The following ZNF726 variants were observed in gnomAD, a reference collection of about 807,000 sequenced individuals.
The protein encoded by ZNF726 is zinc finger protein 726.
In ZNF726, 15 loss-of-function variants were observed where a neutral mutation model predicts 11.6. That is an observed-to-expected ratio of 1.29 (90% CI 0.86 to 1.99). The LOEUF (loss-of-function observed/expected upper bound fraction) is 1.99, where lower values mean the gene tolerates loss of function less well. Ranked by LOEUF, ZNF726 falls within the 30% of genes most tolerant of loss-of-function variation. The pLI, the probability that ZNF726 is intolerant of heterozygous loss-of-function variation, is 0.00. For synonymous variants in ZNF726, 295 were observed against 243.6 expected (o/e 1.21, Z -1.96); for missense variants, 890 against 725.6 (o/e 1.23, Z -2.60).
chr19:23,943,131 C>G (rs1030842562), intron 3 of ZNF726, among the ~76,000 whole-genome samples: 1 of 152,176 alleles, frequency 6.6e-6, no homozygotes, highest in Non-Finnish European at 1.5e-5. Context: ...AGCGATTCTC[C>G]TGCCTCAGCC....
chr19:23,934,645 C>T (rs1056612681), downstream of ZNF726, among the ~76,000 whole-genome samples: 8 of 152,158 alleles, frequency 5.3e-5, no homozygotes, highest in African/African-American at 1.9e-4. Context: ...GCCTCCGGAC[C>T]CCCAAGGGCT....
Position 23,932,775 on chromosome 19 carries a change from A to C in ZNF726, c.659A>C (p.Lys220Thr). The C allele has an allele frequency of 6.2e-7, 1 of 1,612,532 alleles. No homozygotes were observed. Among genetic ancestry groups the C allele is most frequent in the Admixed American group, 1.7e-5 (1 of 59,688 alleles). Reference sequence around the variant, plus strand: ...TGGTCCTCAACCCTTACTAATCATAAGAAAACTCATACTGAAGAAAAGCCC... The same window carrying C: ...TGGTCCTCAACCCTTACTAATCATACGAAAACTCATACTGAAGAAAAGCCC... ...FNWSSTLTNH[K>T]KTHTEEKPYK... Residue 220 changes from lysine (K) to threonine (T), a missense_variant, in exon 4 of 4, where the codon AAG becomes ACG. Lys to Thr is a moderately conservative substitution (Grantham distance 78, BLOSUM62 -1). Transcript: ENST00000594466.
rs781545317 is a variant in ZNF726 at position 23,919,496 on chromosome 19, C to T, written c.127C>T (p.Leu43=). 3 of 1,595,196 alleles carry T rather than the reference C, an allele frequency of 1.9e-6. No individual in the cohort carries two copies. The highest frequency in any genetic ancestry group is 2.3e-5 in the East Asian group (1 of 44,394). ...MLENYRNLAF[L]GIAVSKPDLI... is the part of the protein sequence containing the mutation. ...AGAGAACTACAGAAACCTGGCCTTC[C>T]TGGGTGAGGATAACTTTAATACAAA... Residue 43 remains leucine (L), a synonymous_variant, in exon 2 of 4, where the codon CTG becomes TTG. Coordinates refer to ENST00000594466, the MANE Select transcript of ZNF726 (RefSeq NM_001244038.2).
In ZNF726 at chr19:23,933,569, G is replaced by A. The variant is rs1968167869; in HGVS notation, c.1453G>A (p.Glu485Lys). The A allele has an allele frequency of 6.2e-7, 1 of 1,612,172 alleles. No homozygotes were observed. The highest frequency in any genetic ancestry group is 1.3e-5 in the African/African-American group (1 of 74,988). Residue 485 changes from glutamate (E) to lysine (K), a missense_variant, in exon 4 of 4, where the codon GAA (glutamate) becomes AAA (lysine). Coordinates refer to ENST00000594466, the MANE Select transcript of ZNF726 (RefSeq NM_001244038.2). ...TGGAGAGAAACCCTACAAATGTGAA[G>A]AATGTGGCAAAGCTTTTAGCCAGTC... ...HTGEKPYKCEECGKAFSQSST... is the reference protein window; with the variant it reads ...HTGEKPYKCEKCGKAFSQSST...
downstream of ZNF726, among the ~76,000 whole-genome samples, chr19:23,937,251 C>T (rs1380150690): frequency 6.6e-6 from 1 of 151,440 alleles, no homozygotes; most frequent in East Asian, 2.0e-4. Context: ...CCCCACCTCC[C>T]TCCCAGCCGG....
Position 23,919,466 on chromosome 19 carries a change from A to G in ZNF726, c.97A>G (p.Met33Val). The G allele has an allele frequency of 6.2e-7, 1 of 1,606,254 alleles. No individual in the cohort carries two copies. The highest frequency in any genetic ancestry group is 1.3e-5 in the African/African-American group (1 of 74,848). Residue 33 changes from methionine (M) to valine (V), a missense_variant, in exon 2 of 4, where the codon ATG becomes GTG. Coordinates refer to ENST00000594466, the MANE Select transcript of ZNF726 (RefSeq NM_001244038.2). ...TAQKNLYRNV[M>V]LENYRNLAFL... Reference sequence around the variant, plus strand: ...ACAGAAGAATTTATATAGGAATGTGATGTTAGAGAACTACAGAAACCTGGC... The same window carrying G: ...ACAGAAGAATTTATATAGGAATGTGGTGTTAGAGAACTACAGAAACCTGGC...
At chr19:23,935,725 A>T, downstream of ZNF726, 1 of 239,608 alleles carries the variant, frequency 4.2e-6, no homozygotes, top group Non-Finnish European at 8.3e-6. Context: ...AATGTGGCCA[A>T]GCTTCTAACC....
At chr19:23,921,162 G>C (rs891670406) in intron 3 of ZNF726, 3 of 152,170 alleles carry the variant, frequency 2.0e-5, no homozygotes, top group Admixed American at 6.5e-5. Context: ...TGGGCTCAGT[G>C]GTGGGCACCT....
chr19:23,942,307 A>G (rs926639305), intron 3 of ZNF726, among the ~76,000 whole-genome samples: 2 of 152,062 alleles, frequency 1.3e-5, no homozygotes, highest in African/African-American at 4.8e-5. Flanking sequence ...GTTTTATTCC[A>G]CTGTGCTCTG....
At chr19:23,936,305 A>C (rs1474386547), downstream of ZNF726, 2 of 152,254 alleles carry the variant, frequency 1.3e-5, no homozygotes, top group Non-Finnish European at 2.9e-5. Context: ...AAATAATACA[A>C]ACTAAAGTTC....
Position 23,942,053 on chromosome 19 carries a change from A to G in ZNF726, c.227-1441A>G, listed in dbSNP as rs938101073. The stretch of plus-strand genomic sequence containing the variant: ...TTGTTTCTCTGGTTCCTTGAGGTGG[A>G]CCTTAGATTGTCTGTGCTCTTTCAG... On this transcript the variant is annotated intron_variant, in intron 3 of 4. Coordinates refer to the ZNF726 transcript ENST00000334589. Among the ~76,000 whole-genome samples, 4 of 151,516 alleles carry G rather than the reference A, an allele frequency of 2.6e-5. No homozygotes were observed. In the East Asian group the frequency reaches 7.7e-4, roughly 29 times the overall value.
At chr19:23,930,128 C>G (rs1047230100) in intron 3 of ZNF726, among the ~76,000 whole-genome samples, 20 of 152,164 alleles carry the variant, frequency 1.3e-4, no homozygotes, top group Admixed American at 1.2e-3. Flanking sequence ...AACTGTGCTA[C>G]TGGTGATGAA....
Position 23,933,106 on chromosome 19 carries a change from ACATAAGAGGCTG to A in ZNF726, c.993_1004del (p.Lys332_His335del). Reference sequence around the variant, plus strand: ...TTGTTTGGTCCTCAACCCTAACTAGACATAAGAGGCTGCACAGTGGAGAGAAACCCTACAAAT... The same window carrying A: ...TTGTTTGGTCCTCAACCCTAACTAGACACAGTGGAGAGAAACCCTACAAAT... On this transcript the variant is annotated inframe_deletion, in exon 4 of 4. Coordinates refer to ENST00000594466, the MANE Select transcript of ZNF726 (RefSeq NM_001244038.2). The A allele has an allele frequency of 6.2e-7, 1 of 1,612,334 alleles. No homozygotes were observed. Among genetic ancestry groups the A allele is most frequent in the Non-Finnish European group, 8.5e-7 (1 of 1,179,956 alleles).
chr19:23,927,131 A>AT (rs1282623227), intron 3 of ZNF726, among the ~76,000 whole-genome samples: 3 of 151,680 alleles, frequency 2.0e-5, no homozygotes, highest in Admixed American at 1.3e-4. Context: ...GCCCAGCTAA[A>AT]TTTTTTTGTA....
chr19:23,929,790 A>G (rs1968066976), intron 3 of ZNF726, among the ~76,000 whole-genome samples: 1 of 152,182 alleles, frequency 6.6e-6, no homozygotes, highest in African/African-American at 2.4e-5. Flanking sequence ...ATATTTATGC[A>G]GGTTTTTATT....
intron 3 of ZNF726, among the ~76,000 whole-genome samples, chr19:23,925,913 C>T (rs965366651): frequency 2.6e-5 from 4 of 151,838 alleles, no homozygotes; most frequent in African/African-American, 9.7e-5. Context: ...GACAGAGTTT[C>T]ACCATGTTGG....
rs752860323 is a variant in ZNF726, at chr19:23,932,861, G to A, written c.745G>A (p.Val249Ile). Reference sequence around the variant, plus strand: ...ATCCTCAAATTATACTACACATAAGGTAACTCATACTGGAGAGAAGCCTTA... The same window carrying A: ...ATCCTCAAATTATACTACACATAAGATAACTCATACTGGAGAGAAGCCTTA... ...NQSSNYTTHK[V>I]THTGEKPYKC... The change falls in exon 4 of 4, where the codon GTA (valine) becomes ATA (isoleucine). Residue 249 changes from valine (V) to isoleucine (I), a missense_variant. Transcript: ENST00000594466. The A allele has an allele frequency of 1.9e-6, 3 of 1,607,718 alleles. No individual in the cohort carries two copies. Among genetic ancestry groups the A allele is most frequent in the Non-Finnish European group, 2.5e-6 (3 of 1,177,356 alleles).
intron 3 of ZNF726, among the ~76,000 whole-genome samples, chr19:23,922,563 C>T (rs1599456040): frequency 6.6e-6 from 1 of 152,128 alleles, no homozygotes; most frequent in Admixed American, 6.5e-5. Context: ...CTCAGTGGAA[C>T]CAAGTTAGGT....
At chr19:23,937,041 G>A (rs993163678), downstream of ZNF726, among the ~76,000 whole-genome samples, 1 of 151,720 alleles carries the variant, frequency 6.6e-6, no homozygotes, top group Non-Finnish European at 1.5e-5. Flanking sequence ...CGGCTGGGCA[G>A]AGGCGCCCCT....
Sources: allele counts gnomAD v4.1 joint callset (sites outside exome capture counted in the v4.1 genomes callset), GRCh38; gene constraint gnomAD v4.1.1; transcripts MANE v1.5; gene names NCBI Gene and HGNC (gene_info 2026-07-23, HGNC 2026-07-21).